DPF3: variants seen among roughly 807,000 people sequenced by gnomAD.
DPF3 encodes zinc finger protein DPF3.
Under a neutral mutation model 56.8 loss-of-function variants are expected in DPF3, and 18 were observed. The ratio of observed to expected loss-of-function variants is 0.32; its 90% CI spans 0.22 to 0.47. The LOEUF (loss-of-function observed/expected upper bound fraction) is 0.47. Ranked by LOEUF, DPF3 falls within the 20% of genes least tolerant of loss-of-function variation. DPF3 has a pLI of 1.00. For missense variants in DPF3, 403 were observed against 488.8 expected, an observed-to-expected ratio of 0.82 and a Z score of 1.65; for synonymous variants, 188 against 180.2, an observed-to-expected ratio of 1.04 and a Z score of -0.35.
chr14:72,881,427 AACC>A (rs1886319483), intron 1 of DPF3, among the ~76,000 whole-genome samples: 1 of 152,064 alleles, frequency 6.6e-6, no homozygotes, highest in African/African-American at 2.4e-5. Flanking sequence ...TTCCAGTCCA[AACC>A]ATCACATAAG....
chr14:72,822,355 G>C (rs922382332), intron 1 of DPF3, among the ~76,000 whole-genome samples: 1 of 152,118 alleles, frequency 6.6e-6, no homozygotes, highest in African/African-American at 2.4e-5. Flanking sequence ...CTGCATTCCA[G>C]CCTGGGCAAC....
chr14:72,717,754 CCCAGGG>C (rs1258246810), intron 5 of DPF3, among the ~76,000 whole-genome samples: 1 of 152,204 alleles, frequency 6.6e-6, no homozygotes, highest in Admixed American at 6.5e-5. Context: ...TGTCCACAGT[CCCAGGG>C]CCAGCAGAAG....
chr14:72,619,473 A>G (rs1026733180), intron 10 of DPF3, 106 bp from the exon 11 acceptor site: 4 of 1,300,030 alleles, frequency 3.1e-6, no homozygotes, highest in Admixed American at 4.3e-5. Context: ...AACTTTGGCA[A>G]TGCAGAAACC....
chr14:72,709,386 G>T (rs902161202), intron 6 of DPF3, among the ~76,000 whole-genome samples: 1 of 152,090 alleles, frequency 6.6e-6, no homozygotes, highest in Non-Finnish European at 1.5e-5. Context: ...CGTAGTTGGG[G>T]GGCAGTGATT....
chr14:72,726,326 G>T (rs556312714), intron 4 of DPF3, among the ~76,000 whole-genome samples: 47 of 152,244 alleles, frequency 3.1e-4, no homozygotes, highest in African/African-American at 1.1e-3. Context: ...CATTATAAGG[G>T]TATTTATTAC....
At chr14:72,672,744 T>TA (rs1567196238) in intron 8 of DPF3, among the ~76,000 whole-genome samples, 1 of 152,138 alleles carries the variant, frequency 6.6e-6, no homozygotes, top group Non-Finnish European at 1.5e-5. Flanking sequence ...GGGGAGAAAT[T>TA]ACAGCAGTTT....
chr14:72,890,806 C>G (rs758057196), intron 1 of DPF3, among the ~76,000 whole-genome samples: 17 of 152,306 alleles, frequency 1.1e-4, no homozygotes, highest in Non-Finnish European at 2.1e-4. Context: ...TGGGGGCCAC[C>G]TGCCGTGTCC....
chr14:72,612,587 C>A lies in DPF3; in HGVS notation c.*6710G>T, dbSNP rs79892664. On this transcript the variant is annotated 3_prime_UTR_variant, in exon 11 of 11. Transcript: ENST00000556509. Reference sequence around the variant, plus strand: ...ATCACGGCAGAGGGAAGGGAGGAAACAGTGCAGGGAAGGGAGAGGGCAGGA... The same window carrying A: ...ATCACGGCAGAGGGAAGGGAGGAAAAAGTGCAGGGAAGGGAGAGGGCAGGA... 1 of 451,958 alleles carries A rather than the reference C, an allele frequency of 2.2e-6. No homozygotes were observed. The highest frequency in any genetic ancestry group is 2.3e-5 in the African/African-American group (1 of 43,002). 28.0% of individuals were successfully genotyped at this position (451,958 alleles called of 1,614,324 possible). A position where few individuals can be genotyped will look rare whatever the true frequency, so the allele number is the denominator to read the frequency against.
At chr14:72,860,000 C>T (rs953379507) in intron 1 of DPF3, among the ~76,000 whole-genome samples, 4 of 151,400 alleles carry the variant, frequency 2.6e-5, no homozygotes, top group African/African-American at 9.7e-5. Flanking sequence ...GGTGTAAGCC[C>T]ACCATGTAAG....
chr14:72,715,066 C>T (rs886464702), intron 5 of DPF3, among the ~76,000 whole-genome samples: 1 of 152,188 alleles, frequency 6.6e-6, no homozygotes, highest in Non-Finnish European at 1.5e-5. Flanking sequence ...GCCCAGTGCA[C>T]GAGTGTAGCT....
rs143434829 is a variant in DPF3, at chr14:72,612,993, C to CATGTGT, written c.*6303_*6304insACACAT. On this transcript the variant is annotated 3_prime_UTR_variant, in exon 11 of 11. Coordinates refer to ENST00000556509, the MANE Select transcript of DPF3 (RefSeq NM_001280542.3). ...TTTCCCTTTGGTTCATTAAGTAGGG[C>CATGTGT]GTGTGTGTGTGTGTGTGTGTGTGTG... 6.7e-6 allele frequency among the ~76,000 whole-genome samples: 1 copy of CATGTGT among 148,852 alleles called. No homozygotes were observed. Among genetic ancestry groups the CATGTGT allele is most frequent in the Non-Finnish European group, 1.5e-5 (1 of 67,238 alleles).
rs555356395 is a variant in DPF3, at chr14:72,691,704, C to T, written c.742+1372G>A. Among the ~76,000 whole-genome samples the T allele has an allele frequency of 5.1e-4, 77 of 150,244 alleles. 1 individual carries two copies. In the South Asian group the frequency reaches 0.014, roughly 28 times the overall value. ...ATCACGCCACTGTACTCCAGCCTGG[C>T]GACAGAGAAAGACTCCGTCTCAGAA... On this transcript the variant is annotated intron_variant, in intron 7 of 10. Coordinates refer to ENST00000556509, the MANE Select transcript of DPF3 (RefSeq NM_001280542.3).
rs1030666527 is a variant in DPF3 at position 72,609,376 on chromosome 14, G to C, written c.*9921C>G. Among the ~76,000 whole-genome samples, 3 of 152,184 alleles carry C rather than the reference G, an allele frequency of 2.0e-5. No individual in the cohort carries two copies. Among genetic ancestry groups the C allele is most frequent in the Admixed American group, 1.3e-4 (2 of 15,286 alleles). On this transcript the variant is annotated 3_prime_UTR_variant, in exon 11 of 11. Coordinates refer to ENST00000556509, the MANE Select transcript of DPF3 (RefSeq NM_001280542.3). ...TGAATGAAGAGTGAGTCCCGGGTCAGGAGTCCACATCAGGTGTGGGCTGCT... is the reference window on the plus strand; with the variant it reads ...TGAATGAAGAGTGAGTCCCGGGTCACGAGTCCACATCAGGTGTGGGCTGCT...
chr14:72,744,882 C>A (rs969998894), intron 3 of DPF3, among the ~76,000 whole-genome samples: 1 of 152,148 alleles, frequency 6.6e-6, no homozygotes, highest in Non-Finnish European at 1.5e-5. Flanking sequence ...CTGCTCCAGG[C>A]CAGTGGCCCC....
chr14:72,868,297 C>T (rs1885759954), intron 1 of DPF3, among the ~76,000 whole-genome samples: 1 of 152,130 alleles, frequency 6.6e-6, no homozygotes, highest in African/African-American at 2.4e-5. Context: ...ACTAGGATGC[C>T]CAAGTTCCCA....
intron 1 of DPF3, among the ~76,000 whole-genome samples, chr14:72,811,379 C>T (rs1883037861): frequency 6.6e-6 from 1 of 152,116 alleles, no homozygotes; most frequent in African/African-American, 2.4e-5. Flanking sequence ...CAAGGAATGC[C>T]AAAGATAAGA....
chr14:72,668,099 T>C (rs75390101), intron 8 of DPF3, among the ~76,000 whole-genome samples: 371 of 152,330 alleles, frequency 2.4e-3, no homozygotes, highest in Non-Finnish European at 3.8e-3. Flanking sequence ...CACAAAAATG[T>C]AGATGACTGC....
At chr14:72,880,973 T>G (rs910827841) in intron 1 of DPF3, among the ~76,000 whole-genome samples, 2 of 152,230 alleles carry the variant, frequency 1.3e-5, no homozygotes, top group Non-Finnish European at 2.9e-5. Flanking sequence ...AATTGGTGCC[T>G]CTTCACTTCC....
At chr14:72,861,779 G>GAAAGA (rs1567261225) in intron 1 of DPF3, among the ~76,000 whole-genome samples, 5 of 148,950 alleles carry the variant, frequency 3.4e-5, no homozygotes, top group Non-Finnish European at 5.9e-5. Context: ...AAGAAAGAAA[G>GAAAGA]AAAGAAAGAA....
Sources: allele counts gnomAD v4.1 joint callset (sites outside exome capture counted in the v4.1 genomes callset), GRCh38; gene constraint gnomAD v4.1.1; transcripts MANE v1.5; gene names NCBI Gene and HGNC (gene_info 2026-07-23, HGNC 2026-07-21).